The following SORCS1 variants were observed in gnomAD, a reference collection of about 807,000 sequenced individuals.
SORCS1 encodes the protein sortilin related VPS10 domain containing receptor 1.
Under a neutral mutation model 146.1 loss-of-function variants are expected in SORCS1, and 60 were observed. The ratio of observed to expected loss-of-function variants is 0.41; its 90% CI spans 0.33 to 0.51. The LOEUF (loss-of-function observed/expected upper bound fraction) is 0.51. SORCS1 is among the 20% of genes least tolerant of loss of function. The probability of loss-of-function intolerance (pLI) is 0.21; values close to 1 mark genes in which losing one functional copy is unlikely to be tolerated. For missense variants in SORCS1, 1,352 were observed against 1,487.6 expected, an observed-to-expected ratio of 0.91 and a Z score of 1.50; for synonymous variants, 637 against 584.0, an observed-to-expected ratio of 1.09 and a Z score of -1.31.
chr10:107,044,126 T>C lies in SORCS1; in HGVS notation c.559-87546A>G, dbSNP rs147881008. ...AAAAAAAGCCTGTGATGGAGAACCA[T>C]GTATAATGAAATCAGGAGATCTTTC... is the stretch of plus-strand genomic sequence containing the variant. On this transcript the variant is annotated intron_variant, in intron 1 of 25. Transcript: ENST00000263054. Among the ~76,000 whole-genome samples, 488 of 152,304 alleles carry C rather than the reference T, an allele frequency of 3.2e-3. 3 individuals carry two copies. The highest frequency in any genetic ancestry group is 9.0e-3 in the African/African-American group (375 of 41,570).
chr10:106,833,550 C>A (rs916248111), intron 2 of SORCS1, among the ~76,000 whole-genome samples: 1 of 152,148 alleles, frequency 6.6e-6, no homozygotes, highest in African/African-American at 2.4e-5. Context: ...GTTGTTCCTG[C>A]GAGGCTTATC....
chr10:107,084,099 T>G (rs560509928), intron 1 of SORCS1, among the ~76,000 whole-genome samples: 66 of 147,050 alleles, frequency 4.5e-4, no homozygotes, highest in East Asian at 2.4e-3. Flanking sequence ...TTTGTTTTTT[T>G]TTTTTTTTTT....
intron 1 of SORCS1, among the ~76,000 whole-genome samples, chr10:106,995,971 G>A (rs1430308566): frequency 1.3e-5 from 2 of 152,102 alleles, no homozygotes; most frequent in East Asian, 1.9e-4. Flanking sequence ...GCTCACACCT[G>A]TAATCGCAGC....
chr10:106,939,938 T>A (rs1953945408), intron 2 of SORCS1, among the ~76,000 whole-genome samples: 4 of 152,184 alleles, frequency 2.6e-5, no homozygotes, highest in African/African-American at 9.7e-5. Context: ...TTGAGCCAGG[T>A]CCGTAGTGGA....
chr10:106,679,396 G>T (rs1244917359), intron 11 of SORCS1, 64 bp from the exon 12 acceptor site: 22 of 1,337,402 alleles, frequency 1.6e-5, no homozygotes, highest in Non-Finnish European at 4.3e-6. Context: ...GGACTATATT[G>T]GCAGGTGCAC....
At chr10:107,084,120 G>A (rs1466973006) in intron 1 of SORCS1, among the ~76,000 whole-genome samples, 8 of 129,852 alleles carry the variant, frequency 6.2e-5, no homozygotes, top group East Asian at 2.4e-4. Context: ...TTTTGAGACC[G>A]AGTCTTGCTC....
chr10:106,844,018 G>T (rs577493940), intron 2 of SORCS1, among the ~76,000 whole-genome samples: 1 of 152,274 alleles, frequency 6.6e-6, no homozygotes, highest in East Asian at 1.9e-4. Context: ...CACCACAAGT[G>T]TACAAGGGTT....
chr10:106,659,010 G>A (rs1850517363), intron 17 of SORCS1, among the ~76,000 whole-genome samples: 1 of 152,178 alleles, frequency 6.6e-6, no homozygotes, highest in Non-Finnish European at 1.5e-5. Flanking sequence ...CCCCAAAATG[G>A]TCATTTATTC....
At chr10:107,095,830 A>T (rs1367243350) in intron 1 of SORCS1, among the ~76,000 whole-genome samples, 1 of 152,238 alleles carries the variant, frequency 6.6e-6, no homozygotes, top group Non-Finnish European at 1.5e-5. Context: ...GAAACACGGT[A>T]AAAGGTGATT....
At chr10:106,804,488 AAAAC>A (rs1947068935) in intron 3 of SORCS1, among the ~76,000 whole-genome samples, 1 of 152,054 alleles carries the variant, frequency 6.6e-6, no homozygotes, top group South Asian at 2.1e-4. Flanking sequence ...AACAAAAATT[AAAAC>A]AAACACACAC....
chr10:106,975,171 C>T (rs1327291651), intron 1 of SORCS1, among the ~76,000 whole-genome samples: 1 of 152,208 alleles, frequency 6.6e-6, no homozygotes, highest in Non-Finnish European at 1.5e-5. Context: ...TAACAGCATG[C>T]TTCCCTCAGA....
At chr10:106,745,433 A>G (rs1390964275) in intron 5 of SORCS1, among the ~76,000 whole-genome samples, 2 of 151,998 alleles carry the variant, frequency 1.3e-5, no homozygotes, top group Admixed American at 1.3e-4. Context: ...GAAAAGAAAA[A>G]GAAAAAGAAA....
intron 18 of SORCS1, among the ~76,000 whole-genome samples, chr10:106,632,424 T>C (rs1488464493): frequency 1.3e-5 from 2 of 152,178 alleles, no homozygotes; most frequent in Non-Finnish European, 1.5e-5. Context: ...CAGATTCCGG[T>C]GTTCCTGGGC....
At chr10:106,742,191 C>A (rs879577101) in intron 5 of SORCS1, among the ~76,000 whole-genome samples, 1 of 152,154 alleles carries the variant, frequency 6.6e-6, no homozygotes, top group Admixed American at 6.6e-5. Context: ...AACTGCTCTC[C>A]TTAGCAGAGG....
At chr10:106,613,034 T>G (rs560264891) in intron 21 of SORCS1, among the ~76,000 whole-genome samples, 2 of 152,340 alleles carry the variant, frequency 1.3e-5, no homozygotes, top group African/African-American at 4.8e-5. Flanking sequence ...TTTATGGCAC[T>G]ACTCTGTTTT....
chr10:106,623,816 C>T (rs968228497), intron 19 of SORCS1, among the ~76,000 whole-genome samples: 2 of 152,086 alleles, frequency 1.3e-5, no homozygotes, highest in Admixed American at 1.3e-4. Context: ...CAGGGGCGTG[C>T]CACCAAATCT....
chr10:106,891,191 C>T (rs1951214510), intron 2 of SORCS1, among the ~76,000 whole-genome samples: 1 of 152,126 alleles, frequency 6.6e-6, no homozygotes, highest in Non-Finnish European at 1.5e-5. Flanking sequence ...TTAGGATGAA[C>T]TGTCACACTG....
At chr10:106,924,538 T>C (rs1049892936) in intron 2 of SORCS1, among the ~76,000 whole-genome samples, 18 of 152,046 alleles carry the variant, frequency 1.2e-4, no homozygotes, top group African/African-American at 4.3e-4. Flanking sequence ...CAGGAGCTAC[T>C]CCAAAACATA....
At chr10:106,581,322 TACACACACAC>T (rs3044191) in intron 24 of SORCS1, among the ~76,000 whole-genome samples, 89 of 142,446 alleles carry the variant, frequency 6.2e-4, no homozygotes, top group Middle Eastern at 3.6e-3. Flanking sequence ...TCGTCATACA[TACACACACAC>T]ACACACACAC....
Sources: gnomAD v4.1 joint callset for allele counts (sites outside exome capture counted in the v4.1 genomes callset) on GRCh38, gnomAD v4.1.1 for gene constraint, MANE v1.5 for transcripts, NCBI Gene and HGNC (gene_info 2026-07-23, HGNC 2026-07-21) for gene names.